The following NCBP1 variants were observed in gnomAD, a reference collection of about 807,000 sequenced individuals.
NCBP1 encodes nuclear cap binding protein subunit 1, also known as nuclear cap-binding protein subunit 1.
In NCBP1, 16 loss-of-function variants were observed where a neutral mutation model predicts 111.7. That is an observed-to-expected ratio of 0.14 (90% CI 0.10 to 0.22). NCBP1 has a LOEUF of 0.22. Among genes scored for constraint, NCBP1 ranks in the 10% least tolerant of loss-of-function variants. The pLI is 1.00. For missense variants in NCBP1, 607 were observed against 957.5 expected, an observed-to-expected ratio of 0.63 and a Z score of 4.83; for synonymous variants, 304 against 314.3, an observed-to-expected ratio of 0.97 and a Z score of 0.35.
chr9:97,653,239 G>A (rs1827550375), intron 10 of NCBP1, among the ~76,000 whole-genome samples: 1 of 150,796 alleles, frequency 6.6e-6, no homozygotes, highest in Non-Finnish European at 1.5e-5. Flanking sequence ...TCCTGCCTCA[G>A]GCTCTCAAGT....
intron 19 of NCBP1, among the ~76,000 whole-genome samples, chr9:97,666,090 G>A (rs1240931177): frequency 6.6e-6 from 1 of 152,180 alleles, no homozygotes; most frequent in Non-Finnish European, 1.5e-5. Flanking sequence ...AGGGCCAACT[G>A]TACTATTCTG....
rs1239779864 is a variant in NCBP1, at chr9:97,669,660, C to T, written c.2213C>T (p.Pro738Leu). ...ACTGATGGGACCAGTGTATTAACAC[C>T]ATGGTATAAGAACTGTATAGAGAGG... ...CETDGTSVLT[P>L]WYKNCIERLQ... is the part of the protein sequence containing the mutation. The change falls in exon 22 of 23, where the codon CCA (proline) becomes CTA (leucine). Residue 738 changes from proline (P) to leucine (L), a missense_variant. Coordinates refer to ENST00000375147, the MANE Select transcript of NCBP1 (RefSeq NM_002486.5). The T allele has an allele frequency of 3.7e-6, 6 of 1,612,436 alleles. No homozygotes were observed. Among genetic ancestry groups the T allele is most frequent in the Non-Finnish European group, 4.2e-6 (5 of 1,178,700 alleles).
chr9:97,653,991 T>C, intron 11 of NCBP1, 83 bp downstream of exon 11: 1 of 1,235,374 alleles, frequency 8.1e-7, no homozygotes. Flanking sequence ...TGGGTTTAAA[T>C]TTTGTAGGTA....
chr9:97,636,542 G>T (rs993130978), intron 1 of NCBP1, among the ~76,000 whole-genome samples: 3 of 138,474 alleles, frequency 2.2e-5, no homozygotes, highest in Admixed American at 7.4e-5. Flanking sequence ...ATATAAGTTT[G>T]TTTATTATAA....
rs531515216 is a variant in NCBP1, at chr9:97,671,416, T to A, written c.*217T>A. Reference sequence around the variant, plus strand: ...TAATGTGACTATGACCATGATATATTATATATGTGACAGATACAAATTCTC... The same window carrying A: ...TAATGTGACTATGACCATGATATATAATATATGTGACAGATACAAATTCTC... On this transcript the variant is annotated 3_prime_UTR_variant, in exon 23 of 23. Coordinates refer to ENST00000375147, the MANE Select transcript of NCBP1 (RefSeq NM_002486.5). The A allele has an allele frequency of 2.1e-6, 1 of 474,490 alleles. No individual in the cohort carries two copies. Among genetic ancestry groups the A allele is most frequent in the East Asian group, 3.7e-5 (1 of 26,926 alleles). 29.4% of individuals were successfully genotyped at this position (474,490 alleles called of 1,614,324 possible).
Position 97,650,559 on chromosome 9 carries a change from T to C in NCBP1, c.954T>C (p.Leu318=), listed in dbSNP as rs1254977155. 6.2e-7 allele frequency: 1 copy of C among 1,613,344 alleles called. No homozygotes were observed. The highest frequency in any genetic ancestry group is 1.3e-5 in the African/African-American group (1 of 74,900). ...AAAGATTTGTAATAGAAGAGAATCT[T>C]CACTGCATCATTAAGTCCCACTGGA... The part of the protein sequence containing the change: ...SVERFVIEEN[L]HCIIKSHWKE... The change falls in exon 9 of 23, where the codon CTT becomes CTC. Residue 318 remains leucine, a synonymous_variant. Transcript: ENST00000375147.
Position 97,651,316 on chromosome 9 carries a change from A to G in NCBP1, c.1002A>G (p.Ala334=), listed in dbSNP as rs185006963. The change falls in exon 10 of 23, where the codon GCA becomes GCG. Residue 334 remains alanine (A), a synonymous_variant. Coordinates refer to ENST00000375147, the MANE Select transcript of NCBP1 (RefSeq NM_002486.5). The stretch of plus-strand genomic sequence containing the variant: ...TAAATTACACTTTTTATAGTGCTGC[A>G]CAGTTAGTGAGCTATCCAGGGAAGA... ...SHWKERKTCA[A]QLVSYPGKNK... 2 of 1,612,514 alleles carry G rather than the reference A, an allele frequency of 1.2e-6. No individual in the cohort carries two copies. Among genetic ancestry groups the G allele is most frequent in the Admixed American group, 3.3e-5 (2 of 59,828 alleles).
chr9:97,670,821 C>G (rs1413552988), intron 22 of NCBP1, among the ~76,000 whole-genome samples: 1 of 152,208 alleles, frequency 6.6e-6, no homozygotes, highest in Non-Finnish European at 1.5e-5. Flanking sequence ...ACTGCTGCCA[C>G]TGCCTTGAAT....
chr9:97,668,852 G>A lies in NCBP1; in HGVS notation c.2023G>A (p.Asp675Asn). 6.2e-7 allele frequency: 1 copy of A among 1,611,386 alleles called. No individual in the cohort carries two copies. The highest frequency in any genetic ancestry group is 1.1e-5 in the South Asian group (1 of 90,398). Residue 675 changes from aspartate (D) to asparagine (N), a missense_variant, in exon 21 of 23, where the codon GAT becomes AAT. Coordinates refer to ENST00000375147, the MANE Select transcript of NCBP1 (RefSeq NM_002486.5). The part of the protein sequence containing the change: ...KLARQHKRRS[D>N]DDDRSSDRKD... The stretch of plus-strand genomic sequence containing the variant: ...GTTCATTTGCCTTCTATAGCGAAGT[G>A]ATGATGACGACAGAAGCAGTGACAG...
chr9:97,656,439 C>T (rs1027137823), intron 14 of NCBP1, among the ~76,000 whole-genome samples: 1 of 152,104 alleles, frequency 6.6e-6, no homozygotes, highest in African/African-American at 2.4e-5. Context: ...ATTTGCGAGG[C>T]GTGTTGGCGA....
At position 97,672,212 on chromosome 9, in the gene NCBP1, G is replaced by A. The variant is rs1828213090; in HGVS notation, c.*1013G>A. The A allele has an allele frequency of 1.3e-5, 2 of 152,196 alleles. No homozygotes were observed. Among genetic ancestry groups the A allele is most frequent in the African/African-American group, 2.4e-5 (1 of 41,526 alleles). 9.4% of individuals were successfully genotyped at this position (152,196 alleles called of 1,614,324 possible). A position where few individuals can be genotyped will look rare whatever the true frequency, so the allele number is the denominator to read the frequency against. ...ATTGTCTGACATTCCAAATTTCGAGGATTTTTAGACTTTTTTCATTAAACC... is the reference window on the plus strand; with the variant it reads ...ATTGTCTGACATTCCAAATTTCGAGAATTTTTAGACTTTTTTCATTAAACC... On this transcript the variant is annotated 3_prime_UTR_variant, in exon 23 of 23. Transcript: ENST00000375147.
At chr9:97,667,118 T>C (rs1192738648) in intron 20 of NCBP1, among the ~76,000 whole-genome samples, 1 of 152,146 alleles carries the variant, frequency 6.6e-6, no homozygotes, top group Non-Finnish European at 1.5e-5. Context: ...TCACTTCCCA[T>C]AGTTCACTAT....
intron 19 of NCBP1, 34 bp downstream of exon 19, chr9:97,664,477 C>T: frequency 7.0e-7 from 1 of 1,430,480 alleles, no homozygotes; most frequent in Non-Finnish European, 9.8e-7. Context: ...CTTGTGTTCC[C>T]TAAGAATTGA....
At chr9:97,639,489 A>T (rs1827144804) in intron 1 of NCBP1, among the ~76,000 whole-genome samples, 2 of 152,202 alleles carry the variant, frequency 1.3e-5, no homozygotes, top group South Asian at 2.1e-4. Flanking sequence ...TGAACTTTGT[A>T]ACAATAATTC....
intron 18 of NCBP1, among the ~76,000 whole-genome samples, 166 bp from the exon 19 acceptor site, chr9:97,664,174 C>A (rs527537747): frequency 2.0e-5 from 3 of 151,940 alleles, no homozygotes; most frequent in Admixed American, 2.0e-4. Context: ...GCAACTCTGT[C>A]TCCCAAAAAA....
intron 1 of NCBP1, among the ~76,000 whole-genome samples, chr9:97,640,213 G>A (rs527393641): frequency 1.2e-4 from 19 of 152,272 alleles, no homozygotes; most frequent in African/African-American, 4.3e-4. Flanking sequence ...TGAAGCAAGT[G>A]AGAAATCCTA....
At chr9:97,637,026 G>A (rs929129884) in intron 1 of NCBP1, among the ~76,000 whole-genome samples, 3 of 152,134 alleles carry the variant, frequency 2.0e-5, no homozygotes, top group Non-Finnish European at 4.4e-5. Flanking sequence ...AGACTATAGG[G>A]TTCCTGTCAT....
chr9:97,640,134 C>T (rs577719867), intron 1 of NCBP1, among the ~76,000 whole-genome samples: 8 of 152,174 alleles, frequency 5.3e-5, no homozygotes, highest in Non-Finnish European at 1.2e-4. Flanking sequence ...TAAACTATAC[C>T]GTTGTGCTGC....
chr9:97,643,957 T>C (rs1000475223), intron 4 of NCBP1, among the ~76,000 whole-genome samples: 1 of 152,176 alleles, frequency 6.6e-6, no homozygotes, highest in Admixed American at 6.6e-5. Flanking sequence ...TGTTGGTTAC[T>C]GGTTAAAAAA....
Sources: allele counts gnomAD v4.1 joint callset (sites outside exome capture counted in the v4.1 genomes callset), GRCh38; gene constraint gnomAD v4.1.1; transcripts MANE v1.5; gene names NCBI Gene and HGNC (gene_info 2026-07-23, HGNC 2026-07-21).